The following CDH2 variants were observed in gnomAD, a reference collection of about 807,000 sequenced individuals.
CDH2 encodes the protein cadherin-2.
A neutral mutation model predicts 92.0 loss-of-function variants in CDH2; 17 were observed. That is an observed-to-expected ratio of 0.18 (90% CI 0.13 to 0.28). The LOEUF is 0.28. Ranked by LOEUF, CDH2 falls within the 10% of genes least tolerant of loss-of-function variation. The pLI is 1.00. For synonymous variants in CDH2, 419 were observed against 415.9 expected (o/e 1.01, Z -0.09); for missense variants, 862 against 1,133.1 (o/e 0.76, Z 3.44).
intron 2 of CDH2, among the ~76,000 whole-genome samples, chr18:28,043,461 A>ATATATATATATATATATAT (rs2013990816): frequency 1.4e-5 from 1 of 71,988 alleles, no homozygotes; most frequent in Non-Finnish European, 2.6e-5. Context: ...GATATAAATA[A>ATATATATATATATATATAT]ATATATATAT....
chr18:28,032,816 T>A (rs988394123), intron 2 of CDH2, among the ~76,000 whole-genome samples: 1 of 152,092 alleles, frequency 6.6e-6, no homozygotes, highest in African/African-American at 2.4e-5. Context: ...CATTCCATTT[T>A]AGCACCAAGG....
intron 4 of CDH2, 55 bp downstream of exon 4, chr18:28,011,791 T>A (rs558599678): frequency 6.5e-7 from 1 of 1,531,496 alleles, no homozygotes; most frequent in African/African-American, 1.4e-5. Context: ...ACAGAAATAT[T>A]TTTAACATAC....
chr18:28,161,131 C>T (rs915268925), intron 1 of CDH2, among the ~76,000 whole-genome samples: 2 of 152,186 alleles, frequency 1.3e-5, no homozygotes, highest in Non-Finnish European at 2.9e-5. Flanking sequence ...ATCAGTCCAT[C>T]CCTCACATAC....
intron 7 of CDH2, among the ~76,000 whole-genome samples, chr18:27,995,787 G>A (rs1486779505): frequency 6.6e-6 from 1 of 151,724 alleles, no homozygotes; most frequent in Non-Finnish European, 1.5e-5. Context: ...TATTTCCAAA[G>A]TACAATATCT....
chr18:28,013,806 G>A lies in CDH2; in HGVS notation c.276C>T (p.Ser92=), dbSNP rs188546474. The A allele has an allele frequency of 6.7e-5, 108 of 1,613,788 alleles. 2 individuals carry two copies. The Admixed American group carries it at 1.5e-3, about 23-fold the overall frequency. Residue 92 remains serine, a synonymous_variant, in exon 3 of 16, where the codon AGC becomes AGT. Coordinates refer to ENST00000269141, the MANE Select transcript of CDH2 (RefSeq NM_001792.5). ...DEDGMVYAVR[S]FPLSSEHAKF... ...TGGCATGCTCAGAAGAGAGTGGAAA[G>A]CTTCTCACGGCATACACCATGCCAT...
At chr18:28,159,691 C>A (rs996124440) in intron 1 of CDH2, among the ~76,000 whole-genome samples, 2 of 147,918 alleles carry the variant, frequency 1.4e-5, no homozygotes, top group African/African-American at 5.0e-5. Flanking sequence ...GAGTCTCACT[C>A]TGTCACCCAG....
At chr18:28,007,165 A>AAAAAAATATATATATATATATATAT (rs1172779200) in intron 5 of CDH2, among the ~76,000 whole-genome samples, 18 of 110,456 alleles carry the variant, frequency 1.6e-4, no homozygotes, top group Non-Finnish European at 2.1e-4. Flanking sequence ...ATAAAAAAAA[A>AAAAAAATATATATATATATATATAT]ATATATATAT....
chr18:27,938,204 C>G (rs1043764286), intron 6 of CDH2, among the ~76,000 whole-genome samples: 1 of 151,956 alleles, frequency 6.6e-6, no homozygotes, highest in Admixed American at 6.6e-5. Context: ...GAGGCCTCCC[C>G]GGAAGCCAAA....
At chr18:28,149,350 G>A (rs1377812132) in intron 1 of CDH2, among the ~76,000 whole-genome samples, 3 of 151,972 alleles carry the variant, frequency 2.0e-5, no homozygotes, top group Non-Finnish European at 2.9e-5. Flanking sequence ...TGAAAGAACT[G>A]GAACTACATT....
chr18:28,051,479 T>C lies in CDH2; in HGVS notation c.173-37570A>G, dbSNP rs1263744017. Among the ~76,000 whole-genome samples, 3 of 152,186 alleles carry C rather than the reference T, an allele frequency of 2.0e-5. No homozygotes were observed. In the East Asian group the frequency reaches 5.8e-4, roughly 29 times the overall value. ...TGCTTGTCCTGGGAAATGCAGTGTA[T>C]AAGGTAAGAGAAAGTGATTTCCATG... On this transcript the variant is annotated intron_variant, in intron 2 of 15. Transcript: ENST00000269141.
chr18:28,096,581 A>G (rs1479075610), intron 2 of CDH2, among the ~76,000 whole-genome samples: 2 of 152,220 alleles, frequency 1.3e-5, no homozygotes, highest in African/African-American at 4.8e-5. Context: ...ACAAGAAATA[A>G]AAAAGCTATA....
intron 1 of CDH2, among the ~76,000 whole-genome samples, chr18:28,157,070 A>C (rs1428406332): frequency 6.6e-6 from 1 of 152,196 alleles, no homozygotes; most frequent in Non-Finnish European, 1.5e-5. Flanking sequence ...TACAGATTTA[A>C]TTGGCAGGTA....
chr18:27,981,733 T>A (rs563219681), intron 14 of CDH2, among the ~76,000 whole-genome samples: 1 of 152,322 alleles, frequency 6.6e-6, no homozygotes, highest in African/African-American at 2.4e-5. Context: ...AATATGTTCA[T>A]GAAAATTTGC....
chr18:27,940,875 C>A (rs887358595), intron 6 of CDH2, among the ~76,000 whole-genome samples: 1 of 152,054 alleles, frequency 6.6e-6, no homozygotes, highest in African/African-American at 2.4e-5. Context: ...AATCAACAAG[C>A]AAACATATCC....
At chr18:27,950,925 C>G (rs1265978536), downstream of CDH2, 1 of 152,458 alleles carries the variant, frequency 6.6e-6, no homozygotes, top group African/African-American at 2.4e-5. Context: ...TTGCAACATT[C>G]AAAGCAGCTC....
chr18:27,974,681 G>A (rs888403674), intron 14 of CDH2, among the ~76,000 whole-genome samples: 2 of 152,124 alleles, frequency 1.3e-5, no homozygotes, highest in Non-Finnish European at 1.5e-5. Flanking sequence ...GGGCCTTTAC[G>A]AAGTGATTAG....
chr18:28,006,422 A>G (rs1427234474), intron 5 of CDH2, among the ~76,000 whole-genome samples: 1 of 152,156 alleles, frequency 6.6e-6, no homozygotes, highest in African/African-American at 2.4e-5. Flanking sequence ...AAGGTAATTA[A>G]AAATGTGAAA....
At chr18:28,110,061 C>T (rs555391169) in intron 2 of CDH2, among the ~76,000 whole-genome samples, 14 of 152,144 alleles carry the variant, frequency 9.2e-5, no homozygotes, top group Non-Finnish European at 1.8e-4. Context: ...AGGTAAGAGG[C>T]AATAACCCAA....
intron 2 of CDH2, among the ~76,000 whole-genome samples, chr18:28,134,135 C>CAAAAA (rs34083301): frequency 7.6e-5 from 7 of 91,572 alleles, no homozygotes; most frequent in African/African-American, 1.3e-4. Flanking sequence ...ACTAAATTTA[C>CAAAAA]AAAAAAAAAA....
Sources: allele counts gnomAD v4.1 joint callset (sites outside exome capture counted in the v4.1 genomes callset), GRCh38; gene constraint gnomAD v4.1.1; transcripts MANE v1.5; gene names NCBI Gene and HGNC (gene_info 2026-07-23, HGNC 2026-07-21).